Variants in GNA15 observed in about 807,000 individuals in gnomAD.
GNA15 encodes G protein subunit alpha 15.
GNA15 carries 23 observed loss-of-function variants against 40.1 expected under a neutral mutation model. That is an observed-to-expected ratio of 0.57 (90% CI 0.41 to 0.81). GNA15 has a LOEUF of 0.81. Among genes scored for constraint, GNA15 ranks in the 40% least tolerant of loss-of-function variants. The pLI is 0.00. For missense variants in GNA15, 522 were observed against 515.8 expected (o/e 1.01, Z -0.12); for synonymous variants, 226 against 210.4 (o/e 1.07, Z -0.64).
chr19:3,163,056 GGGTGGGA>G lies in GNA15; in HGVS notation c.*46_*52del, dbSNP rs1568300813. On this transcript the variant is annotated 3_prime_UTR_variant, in exon 7 of 7. Coordinates refer to ENST00000262958, the MANE Select transcript of GNA15 (RefSeq NM_002068.4). ...CCTGGGGCAGGCGGCACCGGCGGGC[GGGTGGGA>G]GGTGGGAGTGGCTGCAGGGACCCCT... is the stretch of plus-strand genomic sequence containing the variant. The G allele has an allele frequency of 1.4e-6, 2 of 1,428,514 alleles. No homozygotes were observed. The highest frequency in any genetic ancestry group is 2.0e-6 in the Non-Finnish European group (2 of 1,013,342). The allele number at this position is 1,428,514 out of a possible 1,614,324, so 88.5% of individuals were successfully genotyped here.
chr19:3,146,798 G>T (rs540275776), intron 1 of GNA15, among the ~76,000 whole-genome samples: 1 of 152,062 alleles, frequency 6.6e-6, no homozygotes, highest in African/African-American at 2.4e-5. Context: ...CTGAGTCAGG[G>T]CCAGTCCCTC....
At chr19:3,146,166 T>C (rs1211027632) in intron 1 of GNA15, among the ~76,000 whole-genome samples, 1 of 152,114 alleles carries the variant, frequency 6.6e-6, no homozygotes, top group African/African-American at 2.4e-5. Context: ...CCCCGCCCTC[T>C]GCACGCCAAC....
At chr19:3,150,545 G>A (rs1334828710) in intron 3 of GNA15, among the ~76,000 whole-genome samples, 1 of 151,904 alleles carries the variant, frequency 6.6e-6, no homozygotes, top group African/African-American at 2.4e-5. Flanking sequence ...TGTTCTGGCG[G>A]TGATCTTGTT....
rs1418699156 is a variant in GNA15 at position 3,156,180 on chromosome 19, A to ACACG, written c.744+231_744+232insGCAC. The stretch of plus-strand genomic sequence containing the variant: ...GGACCCCAGACACACACACACACAC[A>ACACG]CACACACACACACACACACACACTA... On this transcript the variant is annotated intron_variant, in intron 5 of 6. Coordinates refer to ENST00000262958, the MANE Select transcript of GNA15 (RefSeq NM_002068.4). Among the ~76,000 whole-genome samples the ACACG allele has an allele frequency of 3.3e-5, 5 of 150,504 alleles. No homozygotes were observed. In the East Asian group the frequency reaches 9.7e-4, roughly 29 times the overall value.
chr19:3,160,312 A>G (rs1178455381), intron 6 of GNA15, among the ~76,000 whole-genome samples: 1 of 151,150 alleles, frequency 6.6e-6, no homozygotes, highest in Non-Finnish European at 1.5e-5. Flanking sequence ...CCTTTCTCCT[A>G]GTCTGTCTCT....
Position 3,150,280 on chromosome 19 carries a change from C to T in GNA15, c.480C>T (p.Ala160=), listed in dbSNP as rs758505570. ...GGGAATTCCACCTGCTCGATTCAGC[C>T]GTGTAGTGAGTCTGGGGTCTGCGGG... ...RRREFHLLDS[A]VYYLSHLERI... Residue 160 remains alanine (A), a synonymous_variant, in exon 3 of 7, where the codon GCC becomes GCT. Transcript: ENST00000262958. 5 of 1,585,748 alleles carry T rather than the reference C, an allele frequency of 3.2e-6. No homozygotes were observed. The highest frequency in any genetic ancestry group is 2.3e-5 in the South Asian group (2 of 87,006).
At chr19:3,153,134 C>T (rs779751585) in intron 4 of GNA15, among the ~76,000 whole-genome samples, 3 of 152,000 alleles carry the variant, frequency 2.0e-5, no homozygotes, top group Admixed American at 6.6e-5. Flanking sequence ...CGAAGGTCTG[C>T]GGCTTCATTC....
intron 5 of GNA15, among the ~76,000 whole-genome samples, chr19:3,157,262 G>A (rs1915051884): frequency 6.6e-6 from 1 of 152,310 alleles, no homozygotes; most frequent in East Asian, 1.9e-4. Flanking sequence ...GCCTCCCAAA[G>A]TGCTAGGATT....
In GNA15 at chr19:3,151,127, A is replaced by T. The variant is rs1166700655; in HGVS notation, c.486-580A>T. On this transcript the variant is annotated intron_variant, in intron 3 of 6. Coordinates refer to ENST00000262958, the MANE Select transcript of GNA15 (RefSeq NM_002068.4). The surrounding 1 kb of genome is among the most constrained non-coding windows in gnomAD (Gnocchi z 5.0). ...CCGGAGTGACCCTATTCCTGGCGGG[A>T]ACCTGTTCCTAGAGTGCCCCTGTTT... 1.4e-5 allele frequency among the ~76,000 whole-genome samples: 2 copies of T among 146,474 alleles called. No individual in the cohort carries two copies. Among genetic ancestry groups the T allele is most frequent in the Non-Finnish European group, 3.0e-5 (2 of 67,052 alleles).
intron 6 of GNA15, 27 bp downstream of exon 6, chr19:3,157,908 C>T (rs1389533583): frequency 1.3e-6 from 2 of 1,562,854 alleles, no homozygotes; most frequent in East Asian, 2.2e-5. Context: ...CTTTCTATAC[C>T]CTTCAACTCC....
intron 6 of GNA15, 55 bp from the exon 7 acceptor site, chr19:3,162,738 C>A (rs1044493927): frequency 1.7e-6 from 2 of 1,195,174 alleles, no homozygotes; most frequent in Admixed American, 1.8e-5. Flanking sequence ...TCTCCAGAGG[C>A]CCCCTGGGTC....
chr19:3,148,645 G>T lies in GNA15; in HGVS notation c.200G>T (p.Gly67Val), dbSNP rs1402393684. The T allele has an allele frequency of 3.1e-6, 5 of 1,589,012 alleles. No homozygotes were observed. Among genetic ancestry groups the T allele is most frequent in the Non-Finnish European group, 3.4e-6 (4 of 1,167,554 alleles). Residue 67 changes from glycine to valine, a missense_variant, in exon 2 of 7, where the codon GGC becomes GTC. Physicochemically the swap from Gly to Val is moderately radical, Grantham distance 109 (BLOSUM62 -3). Transcript: ENST00000262958. ...ATCAAGCAGATGCGGATCATCCACG[G>T]CGCCGGCTACTCGGAGGAGGAGCGC... ...TFIKQMRIIHGAGYSEEERKG... is the reference protein window; with the variant it reads ...TFIKQMRIIHVAGYSEEERKG...
intron 6 of GNA15, 37 bp downstream of exon 6, chr19:3,157,918 CCA>C: frequency 6.6e-7 from 1 of 1,515,340 alleles, no homozygotes; most frequent in Non-Finnish European, 9.2e-7. Context: ...CCTTCAACTC[CCA>C]AAAGCAGCTC....
chr19:3,143,231 C>T (rs1914619451), intron 1 of GNA15: 1 of 152,182 alleles, frequency 6.6e-6, no homozygotes, highest in South Asian at 2.1e-4. Context: ...TGAGGATTAA[C>T]TGGGGATCCG....
At chr19:3,149,866 T>TC in intron 2 of GNA15, 1 of 398,346 alleles carries the variant, frequency 2.5e-6, no homozygotes. Flanking sequence ...GGTGCCATGC[T>TC]CCCCCTGAGC....
At chr19:3,156,748 G>A (rs1350003834) in intron 5 of GNA15, among the ~76,000 whole-genome samples, 1 of 151,784 alleles carries the variant, frequency 6.6e-6, no homozygotes, top group Non-Finnish European at 1.5e-5. Flanking sequence ...CGCCCGCCTC[G>A]GCCTCCCAAA....
chr19:3,163,171 C>G lies in GNA15; in HGVS notation c.*152C>G. 1 of 622,800 alleles carries G rather than the reference C, an allele frequency of 1.6e-6. No homozygotes were observed. The highest frequency in any genetic ancestry group is 2.9e-6 in the Non-Finnish European group (1 of 347,498). 38.6% of individuals were successfully genotyped at this position (622,800 alleles called of 1,614,324 possible). ...ACGGCCCGCTGCTGGCCGCTCTCTT[C>G]TCTGCCTCTCACCAGGACAGCCGCC... On this transcript the variant is annotated 3_prime_UTR_variant, in exon 7 of 7. Coordinates refer to ENST00000262958, the MANE Select transcript of GNA15 (RefSeq NM_002068.4).
chr19:3,151,988 C>A lies in GNA15; in HGVS notation c.614+153C>A, dbSNP rs895136977. On this transcript the variant is annotated intron_variant, in intron 4 of 6. Coordinates refer to ENST00000262958, the MANE Select transcript of GNA15 (RefSeq NM_002068.4). The surrounding 1 kb of genome is among the most constrained non-coding windows in gnomAD (Gnocchi z 5.0). Reference sequence around the variant, plus strand: ...GGGGAAGCAAAGCTCCATGTAGACACCTCCAGGCCCCCAGGTAGTCAGGAC... The same window carrying A: ...GGGGAAGCAAAGCTCCATGTAGACAACTCCAGGCCCCCAGGTAGTCAGGAC... Among the ~76,000 whole-genome samples, 2 of 152,188 alleles carry A rather than the reference C, an allele frequency of 1.3e-5. No individual in the cohort carries two copies. The highest frequency in any genetic ancestry group is 2.9e-5 in the Non-Finnish European group (2 of 68,034).
chr19:3,154,880 G>A (rs1232475971), intron 4 of GNA15: 1 of 152,156 alleles, frequency 6.6e-6, no homozygotes, highest in African/African-American at 2.4e-5. Flanking sequence ...TGGCCCAGGA[G>A]TGAGACGAAT....
Sources: allele counts gnomAD v4.1 joint callset (sites outside exome capture counted in the v4.1 genomes callset), GRCh38; gene constraint gnomAD v4.1.1; non-coding constraint Gnocchi (gnomAD v3.1); transcripts MANE v1.5; gene names NCBI Gene and HGNC (gene_info 2026-07-23, HGNC 2026-07-21).